TNFAIP8: variants seen among roughly 807,000 people sequenced by gnomAD.
TNFAIP8 encodes TNF alpha induced protein 8.
In TNFAIP8, 7 loss-of-function variants were observed where a neutral mutation model predicts 13.3. That is an observed-to-expected ratio of 0.52 (90% CI 0.30 to 0.99). TNFAIP8 has a LOEUF of 0.99. TNFAIP8 is among the 50% of genes least tolerant of loss of function. The pLI, the probability that TNFAIP8 is intolerant of heterozygous loss-of-function variation, is 0.07. For synonymous variants in TNFAIP8, 94 were observed against 87.6 expected (o/e 1.07, Z -0.41); for missense variants, 258 against 236.9 (o/e 1.09, Z -0.58).
At chr5:119,360,931 A>G (rs1751610252) in intron 1 of TNFAIP8, among the ~76,000 whole-genome samples, 1 of 152,240 alleles carries the variant, frequency 6.6e-6, no homozygotes, top group Non-Finnish European at 1.5e-5. Context: ...CCGGATTTTG[A>G]AAGTTGTAGA....
chr5:119,389,216 T>G (rs1296048546), intron 1 of TNFAIP8, among the ~76,000 whole-genome samples: 1 of 152,050 alleles, frequency 6.6e-6, no homozygotes, highest in Non-Finnish European at 1.5e-5. Context: ...GAGCACTTAG[T>G]AGGGAGGCAG....
intron 1 of TNFAIP8, among the ~76,000 whole-genome samples, chr5:119,304,137 G>A (rs1749481360): frequency 6.6e-6 from 1 of 151,310 alleles, no homozygotes; most frequent in Admixed American, 6.6e-5. Flanking sequence ...ATTTTTTGTA[G>A]AGATACGGTC....
intron 1 of TNFAIP8, among the ~76,000 whole-genome samples, chr5:119,356,788 A>G (rs924365727): frequency 7.2e-5 from 11 of 152,176 alleles, no homozygotes; most frequent in African/African-American, 2.4e-4. Context: ...GGGCTGGAAA[A>G]GCTCCAACCA....
At chr5:119,310,368 C>G (rs865914034) in intron 1 of TNFAIP8, among the ~76,000 whole-genome samples, 9 of 151,994 alleles carry the variant, frequency 5.9e-5, no homozygotes, top group Middle Eastern at 6.8e-3. Context: ...GGACAGTTAC[C>G]CCAGCAGGGA....
At chr5:119,295,846 G>A (rs1295824917) in intron 1 of TNFAIP8, among the ~76,000 whole-genome samples, 8 of 151,806 alleles carry the variant, frequency 5.3e-5, no homozygotes, top group East Asian at 3.9e-4. Context: ...GGTCCTTCAC[G>A]TCCCTTGTAA....
chr5:119,387,321 C>G (rs1173486953), intron 1 of TNFAIP8, among the ~76,000 whole-genome samples: 1 of 152,258 alleles, frequency 6.6e-6, no homozygotes, highest in South Asian at 2.1e-4. Context: ...CTTTTATTAA[C>G]AGACAACAGC....
At chr5:119,368,192 G>A (rs997187263) in intron 1 of TNFAIP8, among the ~76,000 whole-genome samples, 2 of 152,090 alleles carry the variant, frequency 1.3e-5, no homozygotes, top group Non-Finnish European at 2.9e-5. Flanking sequence ...CATCAGTCTT[G>A]TAGTTCTTAA....
chr5:119,330,650 G>C (rs796492635), intron 1 of TNFAIP8, among the ~76,000 whole-genome samples: 2 of 152,126 alleles, frequency 1.3e-5, no homozygotes, highest in African/African-American at 2.4e-5. Context: ...CGCAGGGTGT[G>C]GGGAGAGTGA....
intron 1 of TNFAIP8, among the ~76,000 whole-genome samples, chr5:119,347,607 C>G (rs901252552): frequency 6.6e-6 from 1 of 152,182 alleles, no homozygotes; most frequent in Admixed American, 6.5e-5. Flanking sequence ...TTCTGCAGCT[C>G]TTCTTTAAGG....
chr5:119,272,087 T>G (rs1196695541), intron 1 of TNFAIP8, among the ~76,000 whole-genome samples: 1 of 151,908 alleles, frequency 6.6e-6, no homozygotes, highest in African/African-American at 2.4e-5. Flanking sequence ...GTAAAGGAGG[T>G]CAGTTCATTT....
At chr5:119,360,870 A>G (rs950876318) in intron 1 of TNFAIP8, among the ~76,000 whole-genome samples, 1 of 152,236 alleles carries the variant, frequency 6.6e-6, no homozygotes, top group African/African-American at 2.4e-5. Context: ...AGAATAAAAC[A>G]TGAGACATTG....
chr5:119,379,707 C>T (rs1449504614), intron 1 of TNFAIP8, among the ~76,000 whole-genome samples: 1 of 152,160 alleles, frequency 6.6e-6, no homozygotes, highest in East Asian at 1.9e-4. Context: ...CCTCCCAGCC[C>T]AGCCTCTTGA....
At chr5:119,369,280 A>T (rs148486181) in intron 1 of TNFAIP8, among the ~76,000 whole-genome samples, 5,379 of 152,052 alleles carry the variant, frequency 0.035, 134 homozygotes, top group Admixed American at 0.046. Flanking sequence ...TCTCGAACTC[A>T]TGACCTCAAG....
At chr5:119,287,358 AAGGGGTAGAATGTG>A (rs1223918724) in intron 1 of TNFAIP8, among the ~76,000 whole-genome samples, 4 of 137,986 alleles carry the variant, frequency 2.9e-5, no homozygotes, top group African/African-American at 1.1e-4. Flanking sequence ...GTATATATTC[AAGGGGTAGAATGTG>A]ATGATTTGAT....
At chr5:119,322,414 C>T (rs1360463589) in intron 1 of TNFAIP8, among the ~76,000 whole-genome samples, 1 of 152,216 alleles carries the variant, frequency 6.6e-6, no homozygotes, top group African/African-American at 2.4e-5. Context: ...CCAGGATCTC[C>T]TGCTAAGTTT....
intron 1 of TNFAIP8, among the ~76,000 whole-genome samples, chr5:119,274,756 G>A (rs1404421276): frequency 6.6e-6 from 1 of 152,220 alleles, no homozygotes; most frequent in Non-Finnish European, 1.5e-5. Flanking sequence ...TGCCCAGGTA[G>A]GGTAGTTTGA....
chr5:119,283,790 G>A (rs1250653303), intron 1 of TNFAIP8, among the ~76,000 whole-genome samples: 1 of 152,106 alleles, frequency 6.6e-6, no homozygotes, highest in African/African-American at 2.4e-5. Context: ...TAGTTTTTCA[G>A]GTCACAATTG....
chr5:119,271,900 C>T (rs549144081), intron 1 of TNFAIP8, among the ~76,000 whole-genome samples: 2 of 152,300 alleles, frequency 1.3e-5, no homozygotes, highest in South Asian at 4.1e-4. Context: ...CTTTATGTTT[C>T]CCTCTGGCTA....
At chr5:119,366,881 C>G (rs898385413) in intron 1 of TNFAIP8, among the ~76,000 whole-genome samples, 4 of 152,172 alleles carry the variant, frequency 2.6e-5, no homozygotes, top group Non-Finnish European at 4.4e-5. Flanking sequence ...ACATTCCTGT[C>G]CTTGCCACCT....
Sources: allele counts gnomAD v4.1 joint callset (sites outside exome capture counted in the v4.1 genomes callset), GRCh38; gene constraint gnomAD v4.1.1; transcripts MANE v1.5; gene names NCBI Gene and HGNC (gene_info 2026-07-23, HGNC 2026-07-21).